The following EDNRB variants were observed in gnomAD, a reference collection of about 807,000 sequenced individuals.
EDNRB encodes the protein Hirschsprung disease 2.
EDNRB carries 18 observed loss-of-function variants against 46.4 expected under a neutral mutation model. The observed-to-expected ratio is 0.39, with a 90% CI of 0.27 to 0.57. The LOEUF (loss-of-function observed/expected upper bound fraction) is 0.57, where lower values mean the gene tolerates loss of function less well. Ranked by LOEUF, EDNRB falls within the 20% of genes least tolerant of loss-of-function variation. The pLI, the probability that EDNRB is intolerant of heterozygous loss-of-function variation, is 0.61. For synonymous variants in EDNRB, 213 were observed against 204.9 expected, an observed-to-expected ratio of 1.04 and a Z score of -0.34; for missense variants, 434 against 537.5, an observed-to-expected ratio of 0.81 and a Z score of 1.90.
chr13:77,959,444 C>T (rs765799406), intron 1 of EDNRB, among the ~76,000 whole-genome samples: 1 of 152,232 alleles, frequency 6.6e-6, no homozygotes, highest in Non-Finnish European at 1.5e-5. Flanking sequence ...CGGGAGTGGA[C>T]TTCCAGCAAA....
chr13:77,913,355 A>G (rs768445325), intron 1 of EDNRB, among the ~76,000 whole-genome samples: 1 of 152,174 alleles, frequency 6.6e-6, no homozygotes, highest in Non-Finnish European at 1.5e-5. Flanking sequence ...AGTAGCCTAC[A>G]GTTCTTAACT....
At chr13:77,961,326 C>T (rs530481205) in intron 1 of EDNRB, among the ~76,000 whole-genome samples, 306 of 152,250 alleles carry the variant, frequency 2.0e-3, no homozygotes, top group African/African-American at 7.1e-3. Flanking sequence ...AACTCTCCAC[C>T]CCAAATCAAC....
In EDNRB at chr13:77,897,364, T is replaced by G; in HGVS notation, c.*836A>C. The G allele has an allele frequency of 1.9e-5, 19 of 985,230 alleles. No individual in the cohort carries two copies. Among genetic ancestry groups the G allele is most frequent in the Non-Finnish European group, 2.0e-5 (17 of 829,802 alleles). The allele number at this position is 985,230 out of a possible 1,614,324, so 61.0% of individuals were successfully genotyped here. A position where few individuals can be genotyped will look rare whatever the true frequency, so the allele number is the denominator to read the frequency against. ...TAGATAGTATTGTCTTCACAGGGTA[T>G]GTGAATGACAGATTCAAAAAAGTCT... On this transcript the variant is annotated 3_prime_UTR_variant, in exon 7 of 7. Coordinates refer to ENST00000646607, the MANE Select transcript of EDNRB (RefSeq NM_001122659.3).
At position 77,901,118 on chromosome 13, in the gene EDNRB, G is replaced by T; in HGVS notation, c.891C>A (p.Thr297=). ...CACTTTTCTTTCTCAACATTTCACAGGTCATTAGTGTATAAAAAAATGCAG... is the reference window on the plus strand; with the variant it reads ...CACTTTTCTTTCTCAACATTTCACATGTCATTAGTGTATAAAAAAATGCAG... ...AITAFFYTLM[T]CEMLRKKSGM... is the part of the protein sequence containing the mutation. Residue 297 remains threonine (T), a synonymous_variant, in exon 4 of 7, where the codon ACC becomes ACA. Transcript: ENST00000646607. The T allele has an allele frequency of 6.2e-7, 1 of 1,611,374 alleles. No individual in the cohort carries two copies. Among genetic ancestry groups the T allele is most frequent in the South Asian group, 1.1e-5 (1 of 91,030 alleles).
chr13:77,948,885 T>C (rs1881009682), intron 1 of EDNRB, among the ~76,000 whole-genome samples: 1 of 152,142 alleles, frequency 6.6e-6, no homozygotes, highest in Non-Finnish European at 1.5e-5. Context: ...CTAAAGAAAA[T>C]ACCTTGGGAA....
chr13:77,899,814 T>A (rs758053746), intron 6 of EDNRB, 45 bp downstream of exon 6: 25 of 1,419,960 alleles, frequency 1.8e-5, no homozygotes, highest in Admixed American at 5.1e-5. Flanking sequence ...AGCTTATATT[T>A]GAGCCATATT....
At chr13:77,919,303 A>G (rs1454537760), upstream of EDNRB, 8 of 1,343,130 alleles carry the variant, frequency 6.0e-6, no homozygotes, top group Non-Finnish European at 8.1e-6. Flanking sequence ...CTTAATTTTT[A>G]TTTTTTTAAA....
intron 1 of EDNRB, among the ~76,000 whole-genome samples, chr13:77,952,257 T>TG (rs1881114131): frequency 6.6e-6 from 1 of 152,144 alleles, no homozygotes; most frequent in Non-Finnish European, 1.5e-5. Flanking sequence ...CTTATATATG[T>TG]GGGGGAGATG....
chr13:77,933,029 ATATGTT>A (rs1180802164), intron 1 of EDNRB, among the ~76,000 whole-genome samples: 1 of 152,242 alleles, frequency 6.6e-6, no homozygotes, highest in Non-Finnish European at 1.5e-5. Flanking sequence ...GCTGTGTTAT[ATATGTT>A]TAAGATATGT....
chr13:77,959,575 A>G (rs1213727550), intron 1 of EDNRB, among the ~76,000 whole-genome samples: 3 of 152,208 alleles, frequency 2.0e-5, no homozygotes, highest in Admixed American at 1.3e-4. Flanking sequence ...GGTAGATAAA[A>G]CCACAAAGAT....
rs940471762 is a variant in EDNRB, at chr13:77,970,742, C to A, written c.-52+4605G>T. Among the ~76,000 whole-genome samples the A allele has an allele frequency of 2.6e-5, 4 of 150,976 alleles. No homozygotes were observed. In the East Asian group the frequency reaches 7.8e-4, roughly 30 times the overall value. On this transcript the variant is annotated intron_variant, in intron 1 of 7. Coordinates refer to the EDNRB transcript ENST00000646948. ...GATTGGTCATTTCCTGGGCTACATA[C>A]CTTATATAGAATAAAATTATACAAA... is the stretch of plus-strand genomic sequence containing the variant.
upstream of EDNRB, among the ~76,000 whole-genome samples, chr13:77,922,491 C>G (rs891729907): frequency 6.6e-6 from 1 of 152,156 alleles, no homozygotes; most frequent in Non-Finnish European, 1.5e-5. Flanking sequence ...GTTGAACTCT[C>G]TAAATCATGA....
At chr13:77,970,040 T>A (rs1216587139) in intron 1 of EDNRB, among the ~76,000 whole-genome samples, 2 of 152,226 alleles carry the variant, frequency 1.3e-5, no homozygotes, top group African/African-American at 4.8e-5. Flanking sequence ...AGCTGCAGAT[T>A]AATGTAAAAT....
At chr13:77,934,679 A>AGG (rs61163800) in intron 1 of EDNRB, among the ~76,000 whole-genome samples, 141 of 127,658 alleles carry the variant, frequency 1.1e-3, no homozygotes, top group East Asian at 4.7e-3. Flanking sequence ...TGTGTAGGAA[A>AGG]GGGGGGGGGG....
chr13:77,934,901 C>T (rs1880516278), intron 1 of EDNRB, among the ~76,000 whole-genome samples: 1 of 151,650 alleles, frequency 6.6e-6, no homozygotes. Flanking sequence ...GGTTGAGGAA[C>T]AGGAAAGAAG....
At chr13:77,901,906 T>C (rs1594358316) in intron 3 of EDNRB, among the ~76,000 whole-genome samples, 1 of 152,054 alleles carries the variant, frequency 6.6e-6, no homozygotes, top group East Asian at 1.9e-4. Context: ...ATATATACAG[T>C]TCATAAAGTT....
At chr13:77,966,038 A>G (rs1028145814) in intron 1 of EDNRB, among the ~76,000 whole-genome samples, 1 of 151,896 alleles carries the variant, frequency 6.6e-6, no homozygotes, top group African/African-American at 2.4e-5. Flanking sequence ...CACCATGCCC[A>G]GTTAATTTTG....
chr13:77,970,861 C>T (rs1412207847), intron 1 of EDNRB, among the ~76,000 whole-genome samples: 1 of 152,124 alleles, frequency 6.6e-6, no homozygotes. Flanking sequence ...TTGATGTATA[C>T]ACTGGGAACA....
At chr13:77,938,705 A>T (rs4476058) in intron 1 of EDNRB, among the ~76,000 whole-genome samples, 1 of 151,986 alleles carries the variant, frequency 6.6e-6, no homozygotes, top group African/African-American at 2.4e-5. Context: ...TTTGTCTCTA[A>T]CAGAAAATAA....
Sources: allele counts gnomAD v4.1 joint callset (sites outside exome capture counted in the v4.1 genomes callset), GRCh38; gene constraint gnomAD v4.1.1; transcripts MANE v1.5; gene names NCBI Gene and HGNC (gene_info 2026-07-23, HGNC 2026-07-21).